The following IQGAP2 variants were observed in gnomAD, a reference collection of about 807,000 sequenced individuals.
IQGAP2 encodes IQ motif containing GTPase activating protein 2, also known as ras GTPase-activating-like protein IQGAP2.
In IQGAP2, 173 loss-of-function variants were observed where a neutral mutation model predicts 201.3. The observed-to-expected ratio is 0.86, with a 90% CI of 0.76 to 0.98. The LOEUF is 0.98. IQGAP2 is among the 50% of genes least tolerant of loss of function. The pLI is 0.00. For synonymous variants in IQGAP2, 675 were observed against 673.9 expected, an observed-to-expected ratio of 1.00 and a Z score of -0.03; for missense variants, 1,687 against 1,864.8, an observed-to-expected ratio of 0.90 and a Z score of 1.76.
At chr5:76,614,825 G>T (rs1003280458) in intron 13 of IQGAP2, among the ~76,000 whole-genome samples, 2 of 151,934 alleles carry the variant, frequency 1.3e-5, no homozygotes, top group Non-Finnish European at 2.9e-5. Flanking sequence ...TCTTCCCAAG[G>T]TCTGGCCTTG....
Position 76,494,749 on chromosome 5 carries a change from A to T in IQGAP2, c.146+33080A>T, listed in dbSNP as rs78417658. Reference sequence around the variant, plus strand: ...TCCTGTGCACACATGCATCATTGACATACACATATACACTCAACCCTCCTT... The same window carrying T: ...TCCTGTGCACACATGCATCATTGACTTACACATATACACTCAACCCTCCTT... On this transcript the variant is annotated intron_variant, in intron 2 of 35. Coordinates refer to ENST00000274364, the MANE Select transcript of IQGAP2 (RefSeq NM_006633.5). Among the ~76,000 whole-genome samples, 603 of 152,228 alleles carry T rather than the reference A, an allele frequency of 4.0e-3. 21 individuals carry two copies. In the East Asian group the frequency reaches 0.087, roughly 22 times the overall value.
intron 2 of IQGAP2, among the ~76,000 whole-genome samples, chr5:76,543,071 C>T (rs190057013): frequency 2.6e-5 from 4 of 152,276 alleles, no homozygotes; most frequent in South Asian, 2.1e-4. Context: ...GCTTCAGATC[C>T]TGTGTCTTAC....
chr5:76,546,594 G>A (rs940751658), intron 2 of IQGAP2, among the ~76,000 whole-genome samples: 1 of 152,176 alleles, frequency 6.6e-6, no homozygotes, highest in Non-Finnish European at 1.5e-5. Context: ...TCTGCTACCT[G>A]TATTGTACAT....
Position 76,589,677 on chromosome 5 carries a change from A to T in IQGAP2, c.589A>T (p.Ser197Cys). The T allele has an allele frequency of 6.2e-7, 1 of 1,610,004 alleles. No homozygotes were observed. The highest frequency in any genetic ancestry group is 8.5e-7 in the Non-Finnish European group (1 of 1,178,078). The stretch of plus-strand genomic sequence containing the variant: ...ATATGGAATACAGATGCCATCTTTC[A>T]GCAAAATAGGTGGTATTCTGGCCAA... ...EKYGIQMPSF[S>C]KIGGILANEL... is the part of the protein sequence containing the mutation. Residue 197 changes from serine (S) to cysteine (C), a missense_variant, in exon 7 of 36, where the codon AGC (serine) becomes TGC (cysteine). Physicochemically the swap from Ser to Cys is moderately radical, Grantham distance 112. Coordinates refer to ENST00000274364, the MANE Select transcript of IQGAP2 (RefSeq NM_006633.5).
At chr5:76,570,795 G>C (rs1222755878) in intron 4 of IQGAP2, 138 bp downstream of exon 4, 1 of 649,014 alleles carries the variant, frequency 1.5e-6, no homozygotes, top group African/African-American at 1.8e-5. Flanking sequence ...AACATGGAAA[G>C]ACCTATCCAA....
chr5:76,672,693 G>A (rs4704352), intron 24 of IQGAP2, among the ~76,000 whole-genome samples: 114,793 of 152,042 alleles, frequency 0.76, 44,104 homozygotes, highest in African/African-American at 0.82. Context: ...CATTACATAC[G>A]CCACACAGGA....
At chr5:76,608,927 AG>A in intron 12 of IQGAP2, 1 of 582,000 alleles carries the variant, frequency 1.7e-6, no homozygotes, top group South Asian at 2.2e-5. Context: ...AGAATGTTAT[AG>A]TAACATGTGT....
At chr5:76,508,946 G>A (rs766271179) in intron 2 of IQGAP2, among the ~76,000 whole-genome samples, 4 of 151,856 alleles carry the variant, frequency 2.6e-5, no homozygotes, top group South Asian at 2.1e-4. Flanking sequence ...TGATCCTCTC[G>A]GGGAAATAGG....
chr5:76,428,401 T>G (rs1752133535), intron 1 of IQGAP2, among the ~76,000 whole-genome samples: 1 of 151,718 alleles, frequency 6.6e-6, no homozygotes, highest in African/African-American at 2.4e-5. Flanking sequence ...AGGAACCCAC[T>G]GTTCTGCGCC....
intron 1 of IQGAP2, among the ~76,000 whole-genome samples, chr5:76,406,932 G>A (rs1303856628): frequency 2.0e-5 from 3 of 152,156 alleles, no homozygotes; most frequent in Non-Finnish European, 4.4e-5. Context: ...AGTCCAGCAT[G>A]TTGTGGGGGC....
chr5:76,689,238 A>T (rs894461412), intron 30 of IQGAP2, among the ~76,000 whole-genome samples: 3 of 147,974 alleles, frequency 2.0e-5, no homozygotes, highest in Admixed American at 6.7e-5. Context: ...TTTAAAAAAA[A>T]AAAAAAAAAA....
chr5:76,488,863 G>C (rs1756337375), intron 2 of IQGAP2, among the ~76,000 whole-genome samples: 1 of 152,142 alleles, frequency 6.6e-6, no homozygotes, highest in Admixed American at 6.6e-5. Flanking sequence ...AAGGACAGAT[G>C]GGAGCTAATA....
intron 2 of IQGAP2, among the ~76,000 whole-genome samples, chr5:76,521,157 C>T (rs1054614552): frequency 2.6e-5 from 4 of 151,976 alleles, no homozygotes; most frequent in Non-Finnish European, 5.9e-5. Context: ...GAAATGTTTT[C>T]AGAATCTGAT....
intron 22 of IQGAP2, among the ~76,000 whole-genome samples, chr5:76,666,553 C>T (rs958052468): frequency 3.9e-5 from 6 of 152,208 alleles, no homozygotes; most frequent in Non-Finnish European, 7.4e-5. Context: ...TTCCACCAAA[C>T]TTGATCCGCA....
At chr5:76,666,721 C>T (rs775350017) in intron 22 of IQGAP2, among the ~76,000 whole-genome samples, 2 of 152,200 alleles carry the variant, frequency 1.3e-5, no homozygotes, top group East Asian at 1.9e-4. Context: ...TGGATTCCTT[C>T]GACCCGTTGG....
At chr5:76,470,244 G>A (rs1299329609) in intron 2 of IQGAP2, among the ~76,000 whole-genome samples, 2 of 152,220 alleles carry the variant, frequency 1.3e-5, no homozygotes, top group African/African-American at 4.8e-5. Flanking sequence ...GAAGATGGAA[G>A]CTAGTCTTTT....
intron 9 of IQGAP2, among the ~76,000 whole-genome samples, chr5:76,594,260 T>C (rs1418215375): frequency 6.6e-6 from 1 of 152,238 alleles, no homozygotes; most frequent in Non-Finnish European, 1.5e-5. Flanking sequence ...ACATCTGAGG[T>C]CCATAAGCCT....
chr5:76,689,674 A>G (rs1746098715), intron 30 of IQGAP2, among the ~76,000 whole-genome samples: 1 of 152,208 alleles, frequency 6.6e-6, no homozygotes, highest in Non-Finnish European at 1.5e-5. Flanking sequence ...CCATGATCCC[A>G]GCTGAAAGAT....
intron 17 of IQGAP2, among the ~76,000 whole-genome samples, chr5:76,651,448 GA>G (rs1752506740): frequency 1.3e-5 from 2 of 152,092 alleles, no homozygotes; most frequent in Non-Finnish European, 2.9e-5. Flanking sequence ...CTGAAAAATA[GA>G]AAAATCAGTC....
Sources: gnomAD v4.1 joint callset for allele counts (sites outside exome capture counted in the v4.1 genomes callset) on GRCh38, gnomAD v4.1.1 for gene constraint, MANE v1.5 for transcripts, NCBI Gene and HGNC (gene_info 2026-07-23, HGNC 2026-07-21) for gene names.